The following EPHB1 variants were observed in gnomAD, a reference collection of about 807,000 sequenced individuals.
EPHB1 encodes ephrin type-B receptor 1.
Under a neutral mutation model 94.4 loss-of-function variants are expected in EPHB1, and 30 were observed. The ratio of observed to expected loss-of-function variants is 0.32; its 90% CI spans 0.24 to 0.43. EPHB1 has a LOEUF of 0.43. Among genes scored for constraint, EPHB1 ranks in the 20% least tolerant of loss-of-function variants. The pLI is 1.00. For missense variants in EPHB1, 1,055 were observed against 1,308.3 expected, an observed-to-expected ratio of 0.81 and a Z score of 2.99; for synonymous variants, 522 against 489.1, an observed-to-expected ratio of 1.07 and a Z score of -0.89.
At chr3:135,152,291 A>T (rs1941218391) in intron 5 of EPHB1, among the ~76,000 whole-genome samples, 1 of 152,226 alleles carries the variant, frequency 6.6e-6, no homozygotes, top group Non-Finnish European at 1.5e-5. Context: ...GAAGAAGATA[A>T]CTTTCAAATA....
chr3:134,844,021 T>C (rs548707580), intron 1 of EPHB1, among the ~76,000 whole-genome samples: 14 of 152,360 alleles, frequency 9.2e-5, no homozygotes, highest in African/African-American at 3.4e-4. Flanking sequence ...ACTCTGAGTG[T>C]TATTTTTTCC....
At chr3:135,178,637 G>T (rs1301391283) in intron 9 of EPHB1, among the ~76,000 whole-genome samples, 2 of 152,032 alleles carry the variant, frequency 1.3e-5, no homozygotes, top group African/African-American at 4.8e-5. Flanking sequence ...AACTAGAGCT[G>T]GGGGTCACCA....
At chr3:135,004,875 A>C (rs1403555463) in intron 3 of EPHB1, among the ~76,000 whole-genome samples, 1 of 151,870 alleles carries the variant, frequency 6.6e-6, no homozygotes. Context: ...TTTTTTTCAA[A>C]GTTTTCAACT....
At chr3:135,238,897 C>G (rs1943714462) in intron 12 of EPHB1, among the ~76,000 whole-genome samples, 2 of 152,244 alleles carry the variant, frequency 1.3e-5, no homozygotes, top group South Asian at 4.1e-4. Context: ...TGGCAACACA[C>G]AACTTGGGGT....
In EPHB1 at chr3:135,192,462, G is replaced by A. The variant is rs540103261; in HGVS notation, c.1883-114G>A. 4.9e-4 allele frequency: 639 copies of A among 1,307,214 alleles called. 4 individuals are homozygous for A. The highest frequency in any genetic ancestry group is 4.3e-3 in the South Asian group (285 of 65,848). The allele number at this position is 1,307,214 out of a possible 1,614,324, so 81.0% of individuals were successfully genotyped here. A position where few individuals can be genotyped will look rare whatever the true frequency, so the allele number is the denominator to read the frequency against. ...ATGAGAGAAGACTGTTTTAATTTCC[G>A]CCACTTTAATCACAATTCCACTTGG... On this transcript the variant is annotated intron_variant, in intron 10 of 15. Coordinates refer to ENST00000398015, the MANE Select transcript of EPHB1 (RefSeq NM_004441.5).
chr3:135,236,734 A>G (rs1943664021), intron 12 of EPHB1, among the ~76,000 whole-genome samples: 1 of 152,210 alleles, frequency 6.6e-6, no homozygotes. Flanking sequence ...CCATGAACAC[A>G]ATACTCAGTA....
At chr3:134,807,933 G>A (rs555266479) in intron 1 of EPHB1, among the ~76,000 whole-genome samples, 7 of 152,234 alleles carry the variant, frequency 4.6e-5, no homozygotes, top group African/African-American at 1.7e-4. Flanking sequence ...GGTGAAGGAG[G>A]AGGGTTTGTA....
At chr3:134,872,286 G>A (rs543750746) in intron 1 of EPHB1, among the ~76,000 whole-genome samples, 55 of 152,320 alleles carry the variant, frequency 3.6e-4, no homozygotes, top group African/African-American at 1.2e-3. Flanking sequence ...CAGCCTCAGC[G>A]TGGTTAACCC....
At chr3:134,876,681 G>A (rs1020443516) in intron 1 of EPHB1, among the ~76,000 whole-genome samples, 1 of 152,200 alleles carries the variant, frequency 6.6e-6, no homozygotes, top group Non-Finnish European at 1.5e-5. Flanking sequence ...TAATGGTTAT[G>A]GCTGGGGTGA....
At chr3:135,226,412 C>T (rs764299511) in intron 12 of EPHB1, among the ~76,000 whole-genome samples, 10 of 152,214 alleles carry the variant, frequency 6.6e-5, no homozygotes, top group Non-Finnish European at 8.8e-5. Context: ...AATTCACGAA[C>T]GAGTGACAGA....
intron 11 of EPHB1, among the ~76,000 whole-genome samples, chr3:135,199,549 G>A (rs1024041569): frequency 7.2e-5 from 11 of 152,204 alleles, no homozygotes; most frequent in Non-Finnish European, 1.2e-4. Flanking sequence ...TCAATCTCCT[G>A]GGCAGGTTTG....
intron 12 of EPHB1, among the ~76,000 whole-genome samples, chr3:135,215,289 G>T (rs995127535): frequency 6.6e-6 from 1 of 151,740 alleles, no homozygotes; most frequent in Non-Finnish European, 1.5e-5. Flanking sequence ...TCAGCCTCCC[G>T]AGTAGCTGGG....
intron 3 of EPHB1, among the ~76,000 whole-genome samples, chr3:135,095,512 C>G (rs1326584007): frequency 1.3e-5 from 2 of 152,188 alleles, no homozygotes; most frequent in African/African-American, 4.8e-5. Context: ...TCCCAGCAAC[C>G]AGTGTGATCC....
At chr3:134,800,983 T>C (rs2035923752) in intron 1 of EPHB1, among the ~76,000 whole-genome samples, 1 of 152,206 alleles carries the variant, frequency 6.6e-6, no homozygotes, top group Non-Finnish European at 1.5e-5. Flanking sequence ...TTTTAGCCAC[T>C]TTGCTCCACC....
At chr3:135,003,327 T>C (rs1442254105) in intron 3 of EPHB1, among the ~76,000 whole-genome samples, 1 of 152,092 alleles carries the variant, frequency 6.6e-6, no homozygotes, top group Admixed American at 6.5e-5. Context: ...TGAGAGATAG[T>C]TTGTTACAAT....
At chr3:135,255,944 GT>G (rs1200515118) in intron 15 of EPHB1, among the ~76,000 whole-genome samples, 3 of 148,778 alleles carry the variant, frequency 2.0e-5, no homozygotes, top group African/African-American at 7.4e-5. Context: ...AGCTCTTCTT[GT>G]TGAATTGATC....
chr3:134,861,325 A>G (rs1268268886), intron 1 of EPHB1, among the ~76,000 whole-genome samples: 1 of 152,134 alleles, frequency 6.6e-6, no homozygotes, highest in Non-Finnish European at 1.5e-5. Context: ...GGCCAAGACA[A>G]CCAGGGACAG....
intron 1 of EPHB1, among the ~76,000 whole-genome samples, chr3:134,834,879 A>C (rs2108294667): frequency 6.6e-6 from 1 of 152,330 alleles, no homozygotes; most frequent in South Asian, 2.1e-4. Context: ...TTGACAGAGA[A>C]GTCAGCCTGG....
intron 2 of EPHB1, among the ~76,000 whole-genome samples, chr3:134,929,924 A>G (rs2038872811): frequency 6.6e-6 from 1 of 152,172 alleles, no homozygotes. Context: ...AGAGAGATGG[A>G]CTGTCAGCCC....
Sources: allele counts gnomAD v4.1 joint callset (sites outside exome capture counted in the v4.1 genomes callset), GRCh38; gene constraint gnomAD v4.1.1; transcripts MANE v1.5; gene names NCBI Gene and HGNC (gene_info 2026-07-23, HGNC 2026-07-21).